ADCY2: variants seen among roughly 807,000 people sequenced by gnomAD.
The protein encoded by ADCY2 is adenylate cyclase type 2.
Under a neutral mutation model 125.2 loss-of-function variants are expected in ADCY2, and 31 were observed. The ratio of observed to expected loss-of-function variants is 0.25; its 90% CI spans 0.19 to 0.33. The LOEUF is 0.33. ADCY2 is among the 10% of genes least tolerant of loss of function. ADCY2 has a pLI of 1.00. For missense variants in ADCY2, 904 were observed against 1,418.2 expected, an observed-to-expected ratio of 0.64 and a Z score of 5.82; for synonymous variants, 512 against 548.4, an observed-to-expected ratio of 0.93 and a Z score of 0.93.
chr5:7,666,737 C>G (rs1469031155), intron 4 of ADCY2, among the ~76,000 whole-genome samples: 1 of 152,218 alleles, frequency 6.6e-6, no homozygotes, highest in Non-Finnish European at 1.5e-5. Context: ...CTGGCGGTGC[C>G]TACGGCTCTG....
rs564127051 is a variant in ADCY2, at chr5:7,499,267, A to T, written c.409-21471A>T. ...ATGATCCACCCATCTCGGCCTCCCA[A>T]AGTGCTGGGATTACAGGCATGAGCC... On this transcript the variant is annotated intron_variant, in intron 2 of 24. Coordinates refer to ENST00000338316, the MANE Select transcript of ADCY2 (RefSeq NM_020546.3). 5.3e-5 allele frequency among the ~76,000 whole-genome samples: 8 copies of T among 152,128 alleles called. No homozygotes were observed. The South Asian group carries it at 1.5e-3, about 28-fold the overall frequency.
intron 6 of ADCY2, among the ~76,000 whole-genome samples, chr5:7,697,171 A>C (rs13180398): frequency 0.5 from 76,362 of 151,682 alleles, 19,720 homozygotes; most frequent in East Asian, 0.83. Context: ...AATCTGCAGG[A>C]GCGCTATTGC....
At chr5:7,466,811 A>G (rs1394269627) in intron 2 of ADCY2, among the ~76,000 whole-genome samples, 3 of 152,190 alleles carry the variant, frequency 2.0e-5, no homozygotes, top group African/African-American at 7.2e-5. Context: ...CAAGCACACC[A>G]TGCTTTTGTG....
intron 2 of ADCY2, among the ~76,000 whole-genome samples, chr5:7,455,931 G>A (rs1741653057): frequency 6.7e-6 from 1 of 148,246 alleles, no homozygotes; most frequent in Admixed American, 6.7e-5. Flanking sequence ...TAAGTTATTA[G>A]GAAAGCATAG....
At chr5:7,612,725 C>T (rs1202872939) in intron 3 of ADCY2, among the ~76,000 whole-genome samples, 5 of 152,150 alleles carry the variant, frequency 3.3e-5, no homozygotes, top group Non-Finnish European at 7.4e-5. Flanking sequence ...CTGGATAAGA[C>T]TGCACACGAG....
chr5:7,676,845 A>G lies in ADCY2; in HGVS notation c.721-13846A>G, dbSNP rs114812686. Reference sequence around the variant, plus strand: ...AGAAGAGAAATATATTGAATATAGAACTGGACACAAGGTGAATTCACAGAA... The same window carrying G: ...AGAAGAGAAATATATTGAATATAGAGCTGGACACAAGGTGAATTCACAGAA... On this transcript the variant is annotated intron_variant, in intron 4 of 24. Coordinates refer to ENST00000338316, the MANE Select transcript of ADCY2 (RefSeq NM_020546.3). 1.7e-3 allele frequency among the ~76,000 whole-genome samples: 257 copies of G among 152,342 alleles called. 1 individual carries two copies. The highest frequency in any genetic ancestry group is 5.4e-3 in the African/African-American group (226 of 41,578).
At chr5:7,654,444 A>G (rs189372303) in intron 4 of ADCY2, among the ~76,000 whole-genome samples, 1 of 152,302 alleles carries the variant, frequency 6.6e-6, no homozygotes, top group Non-Finnish European at 1.5e-5. Context: ...GTGGAGAGGT[A>G]GATAGGCTGT....
At chr5:7,568,482 A>T (rs1189418763) in intron 3 of ADCY2, among the ~76,000 whole-genome samples, 1 of 151,800 alleles carries the variant, frequency 6.6e-6, no homozygotes, top group African/African-American at 2.4e-5. Context: ...TTGTTGTATG[A>T]GTGCTTTGTC....
intron 2 of ADCY2, among the ~76,000 whole-genome samples, chr5:7,427,547 A>G (rs1740430956): frequency 6.6e-6 from 1 of 152,150 alleles, no homozygotes; most frequent in Admixed American, 6.5e-5. Flanking sequence ...CTCACTTCCC[A>G]TCAGGTCCCT....
chr5:7,688,307 GC>G (rs1428895708), intron 4 of ADCY2, among the ~76,000 whole-genome samples: 1 of 146,978 alleles, frequency 6.8e-6, no homozygotes, highest in East Asian at 2.0e-4. Flanking sequence ...TCACTCTGTT[GC>G]CCAGGCTGGA....
At chr5:7,627,354 G>C (rs1738168893) in intron 4 of ADCY2, among the ~76,000 whole-genome samples, 1 of 152,186 alleles carries the variant, frequency 6.6e-6, no homozygotes, top group Non-Finnish European at 1.5e-5. Flanking sequence ...CACCAAGGAT[G>C]GTGGAAAGCA....
intron 2 of ADCY2, among the ~76,000 whole-genome samples, chr5:7,441,808 A>G (rs6555466): frequency 0.81 from 122,612 of 152,050 alleles, 49,961 homozygotes; most frequent in African/African-American, 0.88. Context: ...TTCTGGGTGG[A>G]CCTCACCCCA....
At chr5:7,798,509 A>G (rs1430839167) in intron 20 of ADCY2, 2 of 152,138 alleles carry the variant, frequency 1.3e-5, no homozygotes, top group Non-Finnish European at 2.9e-5. Flanking sequence ...TCCACTTGCA[A>G]AAGGCCCACA....
intron 2 of ADCY2, among the ~76,000 whole-genome samples, chr5:7,453,232 T>A (rs1358490094): frequency 1.3e-5 from 2 of 152,210 alleles, no homozygotes; most frequent in Non-Finnish European, 2.9e-5. Context: ...TATGGTTTCA[T>A]ATTTTAGATT....
At chr5:7,778,490 G>A (rs542638815) in intron 18 of ADCY2, among the ~76,000 whole-genome samples, 1 of 152,276 alleles carries the variant, frequency 6.6e-6, no homozygotes, top group East Asian at 1.9e-4. Flanking sequence ...ACATAAATAC[G>A]GTGTTTAAGC....
chr5:7,582,594 G>C (rs1016307181), intron 3 of ADCY2, among the ~76,000 whole-genome samples: 1 of 152,028 alleles, frequency 6.6e-6, no homozygotes, highest in Non-Finnish European at 1.5e-5. Context: ...TTTATCCTAA[G>C]AATAGTTTAA....
At chr5:7,608,518 G>C (rs1474500763) in intron 3 of ADCY2, among the ~76,000 whole-genome samples, 1 of 152,148 alleles carries the variant, frequency 6.6e-6, no homozygotes, top group Admixed American at 6.5e-5. Flanking sequence ...GGAGGTTGCA[G>C]TGAGCTGAGA....
chr5:7,652,096 C>G (rs1224625996), intron 4 of ADCY2, among the ~76,000 whole-genome samples: 2 of 152,304 alleles, frequency 1.3e-5, no homozygotes, highest in East Asian at 1.9e-4. Context: ...GCCCCCGCAC[C>G]TGGCCTCACC....
intron 20 of ADCY2, among the ~76,000 whole-genome samples, chr5:7,790,614 G>A (rs1160460957): frequency 6.6e-6 from 1 of 152,224 alleles, no homozygotes; most frequent in Non-Finnish European, 1.5e-5. Flanking sequence ...TGTCTGAGAT[G>A]TGTAAACGAA....
Sources: gnomAD v4.1 joint callset for allele counts (sites outside exome capture counted in the v4.1 genomes callset) on GRCh38, gnomAD v4.1.1 for gene constraint, MANE v1.5 for transcripts, NCBI Gene and HGNC (gene_info 2026-07-23, HGNC 2026-07-21) for gene names.